The following CFAP299 variants were observed in gnomAD, a reference collection of about 807,000 sequenced individuals.
CFAP299 encodes cilia and flagella associated protein 299.
CFAP299 carries 21 observed loss-of-function variants against 27.0 expected under a neutral mutation model. The observed-to-expected ratio is 0.78, with a 90% CI of 0.55 to 1.12. CFAP299 has a LOEUF of 1.12. CFAP299 is among the 50% of genes most tolerant of loss of function. CFAP299 has a pLI of 0.00. For missense variants in CFAP299, 310 were observed against 276.6 expected, an observed-to-expected ratio of 1.12 and a Z score of -0.86; for synonymous variants, 104 against 98.1, an observed-to-expected ratio of 1.06 and a Z score of -0.36.
intron 1 of CFAP299, among the ~76,000 whole-genome samples, chr4:80,355,197 A>G (rs1723207957): frequency 6.6e-6 from 1 of 151,534 alleles, no homozygotes; most frequent in African/African-American, 2.4e-5. Context: ...TTATTTTTTG[A>G]CTTTTTAGTA....
chr4:80,712,121 T>C (rs889074174), intron 3 of CFAP299, among the ~76,000 whole-genome samples: 1 of 152,152 alleles, frequency 6.6e-6, no homozygotes, highest in Non-Finnish European at 1.5e-5. Context: ...GCTGAGGCCA[T>C]GGTTATGAGG....
chr4:80,417,496 A>T (rs1727074558), intron 2 of CFAP299, among the ~76,000 whole-genome samples: 1 of 152,138 alleles, frequency 6.6e-6, no homozygotes. Context: ...GAGGTTAAAT[A>T]GGAGTCCTGA....
intron 3 of CFAP299, among the ~76,000 whole-genome samples, chr4:80,750,666 C>G (rs1724881983): frequency 6.6e-6 from 1 of 152,138 alleles, no homozygotes; most frequent in African/African-American, 2.4e-5. Context: ...TGCTGCAGCC[C>G]AGGTGTGAAC....
At chr4:80,696,955 A>G (rs1721135789) in intron 3 of CFAP299, among the ~76,000 whole-genome samples, 1 of 152,188 alleles carries the variant, frequency 6.6e-6, no homozygotes, top group African/African-American at 2.4e-5. Flanking sequence ...GTCAATGAAA[A>G]AGATGTTCAG....
intron 3 of CFAP299, among the ~76,000 whole-genome samples, chr4:80,796,542 G>T (rs776372495): frequency 2.6e-5 from 4 of 152,190 alleles, no homozygotes; most frequent in African/African-American, 9.6e-5. Flanking sequence ...AACTGAAGGC[G>T]AATTGCTTCT....
chr4:80,586,479 TAG>T (rs1417473499), intron 3 of CFAP299, among the ~76,000 whole-genome samples: 2 of 151,740 alleles, frequency 1.3e-5, no homozygotes, highest in African/African-American at 4.9e-5. Flanking sequence ...TAAGATATTA[TAG>T]CTATCAGAAT....
chr4:80,653,944 A>G (rs537386769), intron 3 of CFAP299, among the ~76,000 whole-genome samples: 70 of 152,180 alleles, frequency 4.6e-4, no homozygotes, highest in African/African-American at 1.7e-3. Context: ...CATCTTTAAT[A>G]TGTGTTTATA....
upstream of CFAP299, chr4:80,335,696 C>T (rs1437780033): frequency 1.1e-6 from 1 of 874,726 alleles, no homozygotes; most frequent in African/African-American, 1.6e-5. Context: ...TTGGCAGGAA[C>T]GAAGTGGGTG....
chr4:80,828,111 G>C (rs929720475), intron 3 of CFAP299, among the ~76,000 whole-genome samples: 2 of 152,028 alleles, frequency 1.3e-5, no homozygotes, highest in South Asian at 4.1e-4. Context: ...TAAAATGTTC[G>C]TATTATGGAA....
intron 3 of CFAP299, among the ~76,000 whole-genome samples, chr4:80,764,931 C>A (rs1345579914): frequency 6.6e-6 from 1 of 151,834 alleles, no homozygotes; most frequent in Non-Finnish European, 1.5e-5. Flanking sequence ...CACACTAGGG[C>A]CTGTGGAGGG....
At chr4:80,902,025 A>G (rs1734925572) in intron 4 of CFAP299, among the ~76,000 whole-genome samples, 1 of 152,008 alleles carries the variant, frequency 6.6e-6, no homozygotes, top group Admixed American at 6.6e-5. Flanking sequence ...GCATTGTGAA[A>G]AACAGTTCAG....
chr4:80,689,722 G>C (rs894119699), intron 3 of CFAP299, among the ~76,000 whole-genome samples: 1 of 152,128 alleles, frequency 6.6e-6, no homozygotes, highest in African/African-American at 2.4e-5. Context: ...TGGACTAAAT[G>C]CTCCAATTAA....
chr4:80,522,795 T>C lies in CFAP299; in HGVS notation c.243-60298T>C, dbSNP rs577494045. Among the ~76,000 whole-genome samples the C allele has an allele frequency of 2.0e-5, 3 of 152,272 alleles. No homozygotes were observed. The South Asian group carries it at 6.2e-4, about 32-fold the overall frequency. ...GTAGCCTTGGCAATCTTGTGAAAGA[T>C]CATTTGGCCATATATGTATGGGTTT... On this transcript the variant is annotated intron_variant, in intron 2 of 5. Transcript: ENST00000358105.
chr4:80,888,268 A>C (rs1734070585), intron 4 of CFAP299, among the ~76,000 whole-genome samples: 1 of 152,094 alleles, frequency 6.6e-6, no homozygotes, highest in Non-Finnish European at 1.5e-5. Flanking sequence ...AGATACAGAT[A>C]GACTGAAAAT....
intron 3 of CFAP299, among the ~76,000 whole-genome samples, chr4:80,867,701 C>T (rs1181897404): frequency 6.6e-6 from 1 of 152,190 alleles, no homozygotes; most frequent in Non-Finnish European, 1.5e-5. Context: ...TGTGTGTCCA[C>T]ATTTACACAA....
chr4:80,404,954 A>ATAC (rs1333238437), intron 2 of CFAP299, among the ~76,000 whole-genome samples: 3 of 152,252 alleles, frequency 2.0e-5, no homozygotes, highest in South Asian at 2.1e-4. Context: ...TTATTTTCTG[A>ATAC]TATTTTAATA....
chr4:80,799,773 T>TTA (rs1728225995), intron 3 of CFAP299, among the ~76,000 whole-genome samples: 3 of 45,392 alleles, frequency 6.6e-5, no homozygotes, highest in South Asian at 8.2e-4. Flanking sequence ...ATATATTATA[T>TTA]GATATATATA....
intron 2 of CFAP299, among the ~76,000 whole-genome samples, chr4:80,510,797 C>A (rs905650177): frequency 4.6e-5 from 7 of 152,176 alleles, no homozygotes; most frequent in Non-Finnish European, 7.4e-5. Context: ...GTGAACATCA[C>A]CCCAACTATT....
chr4:80,656,742 A>G (rs867722040), intron 3 of CFAP299, among the ~76,000 whole-genome samples: 2 of 152,114 alleles, frequency 1.3e-5, no homozygotes, highest in Admixed American at 1.3e-4. Flanking sequence ...TGTATACCCA[A>G]TAATGGAGTT....
Sources: allele counts gnomAD v4.1 joint callset (sites outside exome capture counted in the v4.1 genomes callset), GRCh38; gene constraint gnomAD v4.1.1; transcripts MANE v1.5; gene names NCBI Gene and HGNC (gene_info 2026-07-23, HGNC 2026-07-21).